Variants in TCN2 observed in about 807,000 individuals in gnomAD.
TCN2 encodes the protein transcobalamin-2.
TCN2 carries 34 observed loss-of-function variants against 48.6 expected under a neutral mutation model. That is an observed-to-expected ratio of 0.70 (90% confidence interval 0.53 to 0.93). The LOEUF is 0.93. Among genes scored for constraint, TCN2 ranks in the 40% least tolerant of loss-of-function variants. The pLI, the probability that TCN2 is intolerant of heterozygous loss-of-function variation, is 0.00. For synonymous variants in TCN2, 283 were observed against 212.5 expected, an observed-to-expected ratio of 1.33 and a Z score of -2.89; for missense variants, 652 against 526.1, an observed-to-expected ratio of 1.24 and a Z score of -2.34.
At position 30,626,623 on chromosome 22, in the gene TCN2, T is replaced by A. The variant is rs1310409387; in HGVS notation, c.*102T>A. 18 of 1,324,320 alleles carry A rather than the reference T, an allele frequency of 1.4e-5. No homozygotes were observed. In the Admixed American group the frequency reaches 2.1e-4, roughly 15 times the overall value. The allele number at this position is 1,324,320 out of a possible 1,614,324, so 82.0% of individuals were successfully genotyped here. On this transcript the variant is annotated 3_prime_UTR_variant, in exon 9 of 9. Transcript: ENST00000215838. ...GAACTCGCCTGACCCTGCTGCCACC[T>A]CCTGTGCACTTTGAGCAATGCCCCC...
intron 7 of TCN2, among the ~76,000 whole-genome samples, chr22:30,618,762 A>G (rs2087653169): frequency 1.3e-5 from 2 of 151,948 alleles, no homozygotes; most frequent in African/African-American, 4.8e-5. Flanking sequence ...ACAGGCATGC[A>G]CCACCACACC....
chr22:30,621,373 T>G (rs970650657), intron 7 of TCN2, among the ~76,000 whole-genome samples: 1 of 152,200 alleles, frequency 6.6e-6, no homozygotes, highest in South Asian at 2.1e-4. Flanking sequence ...GAGAGCACTT[T>G]GTAGAAGATG....
intron 7 of TCN2, among the ~76,000 whole-genome samples, chr22:30,621,643 C>T (rs1215620580): frequency 6.6e-6 from 1 of 152,132 alleles, no homozygotes; most frequent in African/African-American, 2.4e-5. Context: ...CCACCATGCC[C>T]AGCCTAATTT....
In TCN2 at chr22:30,626,523, C is replaced by T. The variant is rs1908838422; in HGVS notation, c.*2C>T. 4.3e-6 allele frequency: 7 copies of T among 1,613,994 alleles called. No individual in the cohort carries two copies. Among genetic ancestry groups the T allele is most frequent in the Admixed American group, 1.7e-5 (1 of 60,014 alleles). On this transcript the variant is annotated 3_prime_UTR_variant, in exon 9 of 9. Coordinates refer to ENST00000215838, the MANE Select transcript of TCN2 (RefSeq NM_000355.4). ...GAGCTGAGGCTGGTTAGCTGGTAGCCCCTGAGCTCCCTCATCCCAGCAGCC... is the reference window on the plus strand; with the variant it reads ...GAGCTGAGGCTGGTTAGCTGGTAGCTCCTGAGCTCCCTCATCCCAGCAGCC...
At position 30,623,145 on chromosome 22, in the gene TCN2, T is replaced by G. The variant is rs1225680237; in HGVS notation, c.1222+62T>G. On this transcript the variant is annotated intron_variant, in intron 8 of 8. Coordinates refer to ENST00000215838, the MANE Select transcript of TCN2 (RefSeq NM_000355.4). ...CCCCAAGCTTACTCAGCCAAGAGGC[T>G]TCATCAACTCACCCCAGCTTTCCCT... The G allele has an allele frequency of 5.8e-6, 9 of 1,554,644 alleles. No homozygotes were observed. The African/African-American group carries it at 1.2e-4, about 21-fold the overall frequency.
At chr22:30,619,738 C>T (rs1271538729) in intron 7 of TCN2, among the ~76,000 whole-genome samples, 1 of 152,180 alleles carries the variant, frequency 6.6e-6, no homozygotes, top group Admixed American at 6.6e-5. Context: ...GTCCTCTAGG[C>T]TAGAGAATCT....
chr22:30,617,261 G>C, intron 6 of TCN2, 69 bp from the exon 7 acceptor site: 1 of 1,607,076 alleles, frequency 6.2e-7, no homozygotes, highest in Non-Finnish European at 8.5e-7. Context: ...CTTGAGGGAA[G>C]ACAAGAAGAC....
Position 30,612,948 on chromosome 22 carries a change from T to G in TCN2, c.333T>G (p.Ala111=), listed in dbSNP as rs771328523. The change falls in exon 3 of 9, where the codon GCT becomes GCG. Residue 111 remains alanine, a synonymous_variant. Transcript: ENST00000215838. Reference sequence around the variant, plus strand: ...GCCAGCTGGCCCTCTACCTGCTCGCTCTCAGAGCCAACTGTGAGTTTGTCA... The same window carrying G: ...GCCAGCTGGCCCTCTACCTGCTCGCGCTCAGAGCCAACTGTGAGTTTGTCA... ...SMGQLALYLL[A]LRANCEFVRG... is the part of the protein sequence containing the mutation. 1.2e-6 allele frequency: 2 copies of G among 1,614,152 alleles called. No homozygotes were observed. The highest frequency in any genetic ancestry group is 1.7e-5 in the Admixed American group (1 of 60,012).
chr22:30,610,936 C>A lies in TCN2; in HGVS notation c.130C>A (p.Arg44=). 1 of 1,614,186 alleles carries A rather than the reference C, an allele frequency of 6.2e-7. No individual in the cohort carries two copies. Among genetic ancestry groups the A allele is most frequent in the South Asian group, 1.1e-5 (1 of 91,086 alleles). The change falls in exon 2 of 9, where the codon CGG becomes AGG. Residue 44 remains arginine, a synonymous_variant. Coordinates refer to ENST00000215838, the MANE Select transcript of TCN2 (RefSeq NM_000355.4). ...CCAGCACCTCTTACCTTGGATGGAC[C>A]GGCTTTCCCTGGAGCACTTGAACCC... ...LGQHLLPWMD[R]LSLEHLNPSI...
At chr22:30,608,177 C>T (rs1030734327) in intron 1 of TCN2, among the ~76,000 whole-genome samples, 2 of 152,168 alleles carry the variant, frequency 1.3e-5, no homozygotes, top group Non-Finnish European at 2.9e-5. Context: ...GCCTTTTCTC[C>T]TCCTCTGCAC....
chr22:30,609,883 G>A (rs934123728), intron 1 of TCN2, among the ~76,000 whole-genome samples: 1 of 152,130 alleles, frequency 6.6e-6, no homozygotes, highest in African/African-American at 2.4e-5. Context: ...ACGAGGTTGT[G>A]GGACCCAGAC....
chr22:30,623,254 T>A (rs2087724658), intron 8 of TCN2, 171 bp downstream of exon 8: 1 of 574,432 alleles, frequency 1.7e-6, no homozygotes, highest in African/African-American at 1.9e-5. Flanking sequence ...TTAGAATTTT[T>A]ATGCAAGTTA....
chr22:30,617,692 A>G, intron 7 of TCN2, 197 bp downstream of exon 7: 1 of 729,088 alleles, frequency 1.4e-6, no homozygotes, highest in Non-Finnish European at 2.2e-6. Context: ...TGTCACTGAG[A>G]GAGCAGGCTT....
intron 7 of TCN2, chr22:30,617,858 T>G (rs2087637074): frequency 2.8e-6 from 1 of 352,376 alleles, no homozygotes; most frequent in Non-Finnish European, 5.5e-6. Context: ...GGCATGTGCT[T>G]TTTATATGTG....
In TCN2 at chr22:30,617,336, T is replaced by C; in HGVS notation, c.947T>C (p.Leu316Ser). 1.2e-6 allele frequency: 2 copies of C among 1,614,194 alleles called. No individual in the cohort carries two copies. Among genetic ancestry groups the C allele is most frequent in the South Asian group, 1.1e-5 (1 of 91,080 alleles). The change falls in exon 7 of 9, where the codon TTG (leucine) becomes TCG (serine). Residue 316 changes from leucine (L) to serine (S), a missense_variant. Coordinates refer to ENST00000215838, the MANE Select transcript of TCN2 (RefSeq NM_000355.4). ...CCCTTTCTTCCTGGCACAGTCATGT[T>C]GGAACCAGCTGCTGAGACCATTCCT... ...FPDCLAPRVM[L>S]EPAAETIPQT...
chr22:30,610,851 G>T lies in TCN2; in HGVS notation c.65-20G>T. 6.2e-7 allele frequency: 1 copy of T among 1,614,112 alleles called. No individual in the cohort carries two copies. Among genetic ancestry groups the T allele is most frequent in the Non-Finnish European group, 8.5e-7 (1 of 1,179,978 alleles). On this transcript the variant is annotated intron_variant, in intron 1 of 8. Coordinates refer to ENST00000215838, the MANE Select transcript of TCN2 (RefSeq NM_000355.4). ...GTGGCCTGGCCCTGTGACCTCATTT[G>T]TACCATTTTCTTTTCTAAGAAATAC...
chr22:30,614,448 T>C lies in TCN2; in HGVS notation c.527T>C (p.Val176Ala), dbSNP rs2087584873. The change falls in exon 4 of 9, where the codon GTG becomes GCG. Residue 176 changes from valine (V) to alanine (A), a missense_variant. By Grantham distance (64) the Val-to-Ala change is moderately conservative. Coordinates refer to ENST00000215838, the MANE Select transcript of TCN2 (RefSeq NM_000355.4). ...CAGAAGCGGGTCCATGACAGCGTGG[T>C]GGACAAACTTCTGTATGCTGTGGAA... ...LHQKRVHDSV[V>A]DKLLYAVEPF... The C allele has an allele frequency of 1.2e-6, 2 of 1,614,010 alleles. No individual in the cohort carries two copies. The highest frequency in any genetic ancestry group is 2.2e-5 in the South Asian group (2 of 91,086).
At chr22:30,612,456 A>G (rs2087555568) in intron 2 of TCN2, among the ~76,000 whole-genome samples, 1 of 152,112 alleles carries the variant, frequency 6.6e-6, no homozygotes, top group African/African-American at 2.4e-5. Context: ...AGGCCGAGGC[A>G]GAAGAATCGC....
Position 30,612,982 on chromosome 22 carries a change from A to G in TCN2, c.367A>G (p.Lys123Glu). The change falls in exon 3 of 9, where the codon AAG becomes GAG. Residue 123 changes from lysine to glutamate, a missense_variant. Lys to Glu is a moderately conservative substitution (Grantham distance 56). Coordinates refer to ENST00000215838, the MANE Select transcript of TCN2 (RefSeq NM_000355.4). The stretch of plus-strand genomic sequence containing the variant: ...CAACTGTGAGTTTGTCAGGGGCCAC[A>G]AGGGGGACAGGCTGGTCTCACAGCT... Reference protein sequence around the residue: ...RANCEFVRGHKGDRLVSQLKW... With the variant: ...RANCEFVRGHEGDRLVSQLKW... 1 of 1,614,188 alleles carries G rather than the reference A, an allele frequency of 6.2e-7. No individual in the cohort carries two copies. The highest frequency in any genetic ancestry group is 2.2e-5 in the East Asian group (1 of 44,880).
Sources: allele counts gnomAD v4.1 joint callset (sites outside exome capture counted in the v4.1 genomes callset), GRCh38; gene constraint gnomAD v4.1.1; transcripts MANE v1.5; gene names NCBI Gene and HGNC (gene_info 2026-07-23, HGNC 2026-07-21).